The following ASPRV1 variants were observed in gnomAD, a reference collection of about 807,000 sequenced individuals.
ASPRV1 encodes the protein aspartic peptidase retroviral like 1.
In ASPRV1, 7 loss-of-function variants were observed where a neutral mutation model predicts 11.0. That is an observed-to-expected ratio of 0.64 (90% confidence interval 0.36 to 1.20). The LOEUF (loss-of-function observed/expected upper bound fraction) is 1.20. Among genes scored for constraint, ASPRV1 ranks in the 50% most tolerant of loss-of-function variants. The probability of loss-of-function intolerance (pLI) is 0.02; values close to 1 mark genes in which losing one functional copy is unlikely to be tolerated. For missense variants in ASPRV1, 299 were observed against 320.0 expected, an observed-to-expected ratio of 0.93 and a Z score of 0.50; for synonymous variants, 136 against 138.4, an observed-to-expected ratio of 0.98 and a Z score of 0.12.
the ASPRV1 span, chr2:70,050,491 A>T: frequency 6.6e-6 from 1 of 152,150 alleles, no homozygotes; most frequent in Non-Finnish European, 1.5e-5. Flanking sequence ...AGCAGAAAAA[A>T]TTACAAGGGA....
chr2:70,075,108 A>G, the ASPRV1 span: 1 of 149,064 alleles, frequency 6.7e-6, no homozygotes, highest in Admixed American at 6.6e-5. Context: ...AGAGCAAGAT[A>G]ACATCTTTTT....
chr2:69,938,966 A>G, the ASPRV1 span: 1 of 152,664 alleles, frequency 6.6e-6, no homozygotes, highest in Non-Finnish European at 1.5e-5. Context: ...TCTCACAAAC[A>G]AAACGGTACA....
the ASPRV1 span, among the ~76,000 whole-genome samples, chr2:70,037,886 CAG>C: frequency 1.3e-5 from 2 of 152,086 alleles, no homozygotes; most frequent in Non-Finnish European, 1.5e-5. Context: ...TATATGGTGA[CAG>C]AAATTTTTTT....
At chr2:70,009,708 T>C in the ASPRV1 span, among the ~76,000 whole-genome samples, 1 of 152,220 alleles carries the variant, frequency 6.6e-6, no homozygotes, top group Non-Finnish European at 1.5e-5. Context: ...ATCTGTCTAG[T>C]TGGCTGGTGG....
the ASPRV1 span, among the ~76,000 whole-genome samples, chr2:69,972,134 T>C: frequency 6.6e-6 from 1 of 151,808 alleles, no homozygotes; most frequent in Non-Finnish European, 1.5e-5. Flanking sequence ...CGATCTCGGC[T>C]CACTGCAACC....
the ASPRV1 span, among the ~76,000 whole-genome samples, chr2:70,010,365 T>G: frequency 6.6e-6 from 1 of 151,556 alleles, no homozygotes; most frequent in Admixed American, 6.6e-5. Context: ...TGACGTGGGG[T>G]GATTCACAGT....
At chr2:69,980,375 C>A in the ASPRV1 span, among the ~76,000 whole-genome samples, 1 of 152,220 alleles carries the variant, frequency 6.6e-6, no homozygotes, top group Non-Finnish European at 1.5e-5. Context: ...ATTGCTATTT[C>A]TCTTTTAAGT....
At chr2:70,081,737 C>T in the ASPRV1 span, among the ~76,000 whole-genome samples, 3 of 151,926 alleles carry the variant, frequency 2.0e-5, no homozygotes, top group Non-Finnish European at 2.9e-5. Context: ...GTGCACGCCA[C>T]CACACCCAGT....
the ASPRV1 span, among the ~76,000 whole-genome samples, chr2:70,017,724 A>T: frequency 6.6e-6 from 1 of 152,250 alleles, no homozygotes; most frequent in African/African-American, 2.4e-5. Flanking sequence ...CTTGTCTGTT[A>T]GTATTTTTTT....
At chr2:70,084,320 A>C in the ASPRV1 span, among the ~76,000 whole-genome samples, 1 of 152,230 alleles carries the variant, frequency 6.6e-6, no homozygotes, top group Admixed American at 6.5e-5. Context: ...TTGTCACCTG[A>C]GTTTCTAACA....
downstream of ASPRV1, among the ~76,000 whole-genome samples, chr2:69,955,522 G>A (rs1189517999): frequency 2.0e-5 from 3 of 152,214 alleles, no homozygotes; most frequent in Admixed American, 1.3e-4. Flanking sequence ...TCTTCCATAG[G>A]TGCATGGGTT....
At chr2:69,951,423 C>CA in the ASPRV1 span, among the ~76,000 whole-genome samples, 79 of 63,612 alleles carry the variant, frequency 1.2e-3, 2 homozygotes, top group East Asian at 0.011. Flanking sequence ...GACTCCATCT[C>CA]AAAAAAAAAA....
At chr2:70,004,799 C>T in the ASPRV1 span, among the ~76,000 whole-genome samples, 1 of 152,094 alleles carries the variant, frequency 6.6e-6, no homozygotes, top group Non-Finnish European at 1.5e-5. Flanking sequence ...ATCTTGGTTC[C>T]AGGCACTTGA....
chr2:69,949,736 T>C, the ASPRV1 span, among the ~76,000 whole-genome samples: 1 of 152,234 alleles, frequency 6.6e-6, no homozygotes, highest in Non-Finnish European at 1.5e-5. Context: ...GCTTTAAATT[T>C]CTAGTTAATT....
At chr2:70,001,411 C>T in the ASPRV1 span, among the ~76,000 whole-genome samples, 15 of 151,774 alleles carry the variant, frequency 9.9e-5, no homozygotes, top group Non-Finnish European at 1.5e-4. Flanking sequence ...TGCCTGTAAT[C>T]TCAGCTACTT....
chr2:70,068,814 A>T, the ASPRV1 span, among the ~76,000 whole-genome samples: 3 of 151,790 alleles, frequency 2.0e-5, no homozygotes, highest in East Asian at 5.8e-4. Flanking sequence ...TCGTGGTGGC[A>T]CATGCCTATA....
the ASPRV1 span, among the ~76,000 whole-genome samples, chr2:70,037,620 CATTT>C: frequency 6.7e-6 from 1 of 148,904 alleles, no homozygotes; most frequent in African/African-American, 2.5e-5. Flanking sequence ...GACTTTGGCC[CATTT>C]TTTTGTGGTA....
At chr2:69,970,062 C>G in the ASPRV1 span, among the ~76,000 whole-genome samples, 1 of 152,076 alleles carries the variant, frequency 6.6e-6, no homozygotes, top group South Asian at 2.1e-4. Flanking sequence ...AATGGCACTA[C>G]TATCTAGCCA....
upstream of ASPRV1, among the ~76,000 whole-genome samples, chr2:69,964,023 T>C (rs1174330494): frequency 6.6e-6 from 1 of 152,190 alleles, no homozygotes; most frequent in Non-Finnish European, 1.5e-5. Flanking sequence ...AGTATTTACA[T>C]CACCAAAATT....
Sources: allele counts gnomAD v4.1 joint callset (sites outside exome capture counted in the v4.1 genomes callset), GRCh38; gene constraint gnomAD v4.1.1; transcripts MANE v1.5; gene names NCBI Gene and HGNC (gene_info 2026-07-23, HGNC 2026-07-21).